Variants in PTPRG observed in about 807,000 individuals in gnomAD.
PTPRG encodes protein tyrosine phosphatase receptor type G, also known as receptor-type tyrosine-protein phosphatase gamma.
A neutral mutation model predicts 165.3 loss-of-function variants in PTPRG; 102 were observed. That is an observed-to-expected ratio of 0.62 (90% CI 0.53 to 0.73). The LOEUF (loss-of-function observed/expected upper bound fraction) is 0.73, where lower values mean the gene tolerates loss of function less well. Among genes scored for constraint, PTPRG ranks in the 30% least tolerant of loss-of-function variants. The pLI, the probability that PTPRG is intolerant of heterozygous loss-of-function variation, is 0.00. For missense variants in PTPRG, 1,866 were observed against 1,861.4 expected, an observed-to-expected ratio of 1.00 and a Z score of -0.05; for synonymous variants, 675 against 669.5, an observed-to-expected ratio of 1.01 and a Z score of -0.13.
At chr3:61,963,213 A>G (rs764690813) in intron 2 of PTPRG, among the ~76,000 whole-genome samples, 4 of 152,192 alleles carry the variant, frequency 2.6e-5, no homozygotes, top group Admixed American at 2.6e-4. Flanking sequence ...GGGTTATTAA[A>G]CATACTCCCT....
chr3:62,287,112 G>A (rs542749608), intron 28 of PTPRG, among the ~76,000 whole-genome samples: 72 of 152,166 alleles, frequency 4.7e-4, no homozygotes, highest in Admixed American at 1.8e-3. Flanking sequence ...TGCATACTCC[G>A]TAAAAACATA....
intron 2 of PTPRG, among the ~76,000 whole-genome samples, chr3:61,846,543 G>T (rs552132037): frequency 3.3e-5 from 5 of 152,286 alleles, no homozygotes; most frequent in African/African-American, 1.2e-4. Flanking sequence ...GTAACTGGTG[G>T]CACCAGTGCC....
chr3:62,246,303 G>C lies in PTPRG; in HGVS notation c.2467+2405G>C, dbSNP rs1289810785. On this transcript the variant is annotated intron_variant, in intron 15 of 29. Coordinates refer to ENST00000474889, the MANE Select transcript of PTPRG (RefSeq NM_002841.4). ...GTGAAATGACGAGTGAGGCTCATCT[G>C]TTCTCTCAGGTCTTCATAGCTAACA... Among the ~76,000 whole-genome samples, 4 of 152,140 alleles carry C rather than the reference G, an allele frequency of 2.6e-5. No homozygotes were observed. The East Asian group carries it at 7.7e-4, about 29-fold the overall frequency.
intron 2 of PTPRG, among the ~76,000 whole-genome samples, chr3:61,838,519 A>C: frequency 6.6e-6 from 1 of 152,218 alleles, no homozygotes; most frequent in East Asian, 1.9e-4. Context: ...CATGGTGATT[A>C]AAATCAGGCT....
At chr3:62,084,816 C>G (rs951622212) in intron 5 of PTPRG, among the ~76,000 whole-genome samples, 1 of 152,132 alleles carries the variant, frequency 6.6e-6, no homozygotes, top group African/African-American at 2.4e-5. Context: ...TACTTGCTTT[C>G]TTCTGCATTA....
intron 2 of PTPRG, among the ~76,000 whole-genome samples, chr3:61,880,331 C>T (rs771178033): frequency 1.3e-5 from 2 of 152,174 alleles, no homozygotes; most frequent in East Asian, 1.9e-4. Context: ...ACGGACCGGC[C>T]GTGCACAATG....
chr3:61,570,005 C>T (rs12491377), intron 1 of PTPRG, among the ~76,000 whole-genome samples: 11,853 of 152,184 alleles, frequency 0.078, 566 homozygotes, highest in Middle Eastern at 0.12. Context: ...TAGTCCTGCA[C>T]CCTCAGATGT....
chr3:61,925,669 G>A (rs576005907), intron 2 of PTPRG, among the ~76,000 whole-genome samples: 1 of 152,222 alleles, frequency 6.6e-6, no homozygotes, highest in South Asian at 2.1e-4. Flanking sequence ...CATGAACCTG[G>A]GAGGCGGAGG....
chr3:61,576,624 A>G (rs557100285), intron 1 of PTPRG, among the ~76,000 whole-genome samples: 1 of 152,324 alleles, frequency 6.6e-6, no homozygotes, highest in Non-Finnish European at 1.5e-5. Flanking sequence ...CTTTTGTGCC[A>G]TCTCTGTGCC....
rs80244310 is a variant in PTPRG at position 61,945,045 on chromosome 3, G to A, written c.191-44580G>A. Among the ~76,000 whole-genome samples the A allele has an allele frequency of 9.4e-3, 1,425 of 152,280 alleles. 144 individuals carry two copies. The East Asian group carries it at 0.23, about 25-fold the overall frequency. On this transcript the variant is annotated intron_variant, in intron 2 of 29. Coordinates refer to ENST00000474889, the MANE Select transcript of PTPRG (RefSeq NM_002841.4). ...TGCACAGTGGGTGTGTTTCTTTGTC[G>A]TCTTTTCTCCACTCTGCTCTTCTGT...
At chr3:61,696,698 C>T (rs181565099) in intron 1 of PTPRG, among the ~76,000 whole-genome samples, 97 of 152,234 alleles carry the variant, frequency 6.4e-4, no homozygotes, top group Middle Eastern at 6.8e-3. Flanking sequence ...TAGTCTTTGC[C>T]GGGGAAGCGA....
chr3:61,637,214 C>A (rs1330951687), intron 1 of PTPRG, among the ~76,000 whole-genome samples: 1 of 152,194 alleles, frequency 6.6e-6, no homozygotes, highest in Non-Finnish European at 1.5e-5. Context: ...TGGAATTATT[C>A]ATGTCAGTTG....
chr3:61,633,226 T>C (rs1003506378), intron 1 of PTPRG, among the ~76,000 whole-genome samples: 1 of 152,170 alleles, frequency 6.6e-6, no homozygotes, highest in Non-Finnish European at 1.5e-5. Context: ...CCAACTGGAG[T>C]GTGAGTTTCA....
intron 4 of PTPRG, among the ~76,000 whole-genome samples, chr3:62,017,608 T>G (rs1342216659): frequency 7.4e-6 from 1 of 135,168 alleles, no homozygotes; most frequent in Non-Finnish European, 1.6e-5. Flanking sequence ...TTTTTTTTAG[T>G]AGAGACGGGG....
chr3:62,157,254 G>T lies in PTPRG; in HGVS notation c.840+30G>T, dbSNP rs144112132. The T allele has an allele frequency of 4.1e-5, 66 of 1,604,562 alleles. 1 individual carries two copies. The African/African-American group carries it at 7.5e-4, about 18-fold the overall frequency. ...ATATTCTTCCTCAAGTGGGGTTTCTGTGTTTACTTGTTTTGTATTGACTTA... is the reference window on the plus strand; with the variant it reads ...ATATTCTTCCTCAAGTGGGGTTTCTTTGTTTACTTGTTTTGTATTGACTTA... On this transcript the variant is annotated intron_variant, in intron 7 of 29. Coordinates refer to ENST00000474889, the MANE Select transcript of PTPRG (RefSeq NM_002841.4).
At chr3:62,055,728 T>C (rs1700611361) in intron 4 of PTPRG, among the ~76,000 whole-genome samples, 1 of 152,208 alleles carries the variant, frequency 6.6e-6, no homozygotes, top group South Asian at 2.1e-4. Context: ...AGGCAGTCTT[T>C]GACATTTCTT....
chr3:62,078,891 G>A (rs2106755311), intron 5 of PTPRG, among the ~76,000 whole-genome samples: 1 of 152,298 alleles, frequency 6.6e-6, no homozygotes, highest in South Asian at 2.1e-4. Flanking sequence ...AATCAAAGTA[G>A]TGTTGATCAG....
intron 8 of PTPRG, among the ~76,000 whole-genome samples, chr3:62,187,149 A>G (rs1274522260): frequency 6.6e-6 from 1 of 152,262 alleles, no homozygotes; most frequent in Non-Finnish European, 1.5e-5. Context: ...GCTTCCACCT[A>G]GTGGGGGAGA....
intron 2 of PTPRG, among the ~76,000 whole-genome samples, chr3:61,821,000 T>C (rs1053462771): frequency 5.9e-5 from 9 of 152,166 alleles, no homozygotes; most frequent in African/African-American, 7.2e-5. Context: ...TTTTAAATGC[T>C]GTGTTTCTTT....
Sources: allele counts gnomAD v4.1 joint callset (sites outside exome capture counted in the v4.1 genomes callset), GRCh38; gene constraint gnomAD v4.1.1; transcripts MANE v1.5; gene names NCBI Gene and HGNC (gene_info 2026-07-23, HGNC 2026-07-21).